The following LRP1B variants were observed in gnomAD, a reference collection of about 807,000 sequenced individuals.
The protein encoded by LRP1B is low-density lipoprotein receptor-related protein 1B.
A neutral mutation model predicts 556.6 loss-of-function variants in LRP1B; 217 were observed. That is an observed-to-expected ratio of 0.39 (90% CI 0.35 to 0.44). The LOEUF is 0.44. Among genes scored for constraint, LRP1B ranks in the 20% least tolerant of loss-of-function variants. The probability of loss-of-function intolerance (pLI) is 1.00; values close to 1 mark genes in which losing one functional copy is unlikely to be tolerated. For synonymous variants in LRP1B, 2,047 were observed against 1,865.8 expected (o/e 1.10, Z -2.50); for missense variants, 5,053 against 5,620.8 (o/e 0.90, Z 3.23).
chr2:140,869,759 A>C (rs13001345), intron 25 of LRP1B, among the ~76,000 whole-genome samples: 29,511 of 151,968 alleles, frequency 0.19, 3,023 homozygotes, highest in Non-Finnish European at 0.21. Context: ...GCAATCTCAG[A>C]TTGAGGGAAG....
At chr2:141,942,110 AGTTCATCTG>A (rs2105016080) in intron 1 of LRP1B, among the ~76,000 whole-genome samples, 2 of 152,286 alleles carry the variant, frequency 1.3e-5, no homozygotes, top group South Asian at 4.1e-4. Flanking sequence ...TCAAACAATC[AGTTCATCTG>A]GGTTAAAATT....
At chr2:140,746,954 C>G (rs1232874651) in intron 35 of LRP1B, among the ~76,000 whole-genome samples, 7 of 151,780 alleles carry the variant, frequency 4.6e-5, no homozygotes, top group Admixed American at 4.6e-4. Flanking sequence ...GAAAACACAT[C>G]CTAATGTATT....
intron 7 of LRP1B, among the ~76,000 whole-genome samples, chr2:141,102,393 T>C (rs910461578): frequency 2.0e-5 from 3 of 152,138 alleles, no homozygotes; most frequent in Non-Finnish European, 4.4e-5. Flanking sequence ...ACCCTCATTG[T>C]ACATCACTTC....
At chr2:141,099,987 C>T (rs532348548) in intron 7 of LRP1B, among the ~76,000 whole-genome samples, 1 of 152,284 alleles carries the variant, frequency 6.6e-6, no homozygotes, top group Admixed American at 6.5e-5. Flanking sequence ...TTAACTCCCA[C>T]TTAAATGACA....
chr2:142,070,665 C>G (rs1218521548), intron 1 of LRP1B, among the ~76,000 whole-genome samples: 1 of 151,006 alleles, frequency 6.6e-6, no homozygotes, highest in African/African-American at 2.4e-5. Context: ...AACATTTAAT[C>G]CCTTTATCAA....
intron 3 of LRP1B, among the ~76,000 whole-genome samples, chr2:141,424,130 TGAGATGGGGTGTCACTC>T (rs1680260637): frequency 6.6e-6 from 1 of 150,608 alleles, no homozygotes; most frequent in Non-Finnish European, 1.5e-5. Flanking sequence ...TTTTTTTTTT[TGAGATGGGGTGTCACTC>T]TTGTTGCCTG....
intron 1 of LRP1B, among the ~76,000 whole-genome samples, chr2:141,945,296 G>A (rs1700920944): frequency 6.6e-6 from 1 of 152,020 alleles, no homozygotes; most frequent in Non-Finnish European, 1.5e-5. Flanking sequence ...ATGGACTGTA[G>A]TAGCAGTTTG....
chr2:141,894,592 G>A (rs918360909), intron 1 of LRP1B, among the ~76,000 whole-genome samples: 3 of 151,930 alleles, frequency 2.0e-5, no homozygotes, highest in African/African-American at 7.3e-5. Flanking sequence ...TGGTAACCAT[G>A]AGGAACACAG....
chr2:140,637,953 T>C (rs1162904042), intron 41 of LRP1B, among the ~76,000 whole-genome samples: 2 of 152,202 alleles, frequency 1.3e-5, no homozygotes, highest in Non-Finnish European at 2.9e-5. Context: ...GCACTGACTT[T>C]ACTCTTCTAC....
intron 3 of LRP1B, among the ~76,000 whole-genome samples, chr2:141,466,300 C>T (rs1203371203): frequency 6.6e-6 from 1 of 152,202 alleles, no homozygotes; most frequent in Non-Finnish European, 1.5e-5. Context: ...AGCTCTCTTT[C>T]TTTCCTTTAG....
intron 45 of LRP1B, among the ~76,000 whole-genome samples, chr2:140,539,613 C>G (rs1680059453): frequency 6.6e-6 from 1 of 152,104 alleles, no homozygotes; most frequent in Admixed American, 6.6e-5. Context: ...GCCATTTTGA[C>G]TAAAGGCATT....
chr2:141,566,739 G>T (rs541658794), intron 2 of LRP1B, among the ~76,000 whole-genome samples: 57 of 152,156 alleles, frequency 3.7e-4, no homozygotes, highest in African/African-American at 1.4e-3. Context: ...TGCACCTGTT[G>T]TTCCAGTTAC....
chr2:141,497,041 C>A (rs1683534325), intron 2 of LRP1B, among the ~76,000 whole-genome samples: 1 of 151,904 alleles, frequency 6.6e-6, no homozygotes, highest in Non-Finnish European at 1.5e-5. Context: ...GCCTCAGTAG[C>A]TATGAGTCAG....
intron 35 of LRP1B, among the ~76,000 whole-genome samples, chr2:140,741,122 G>T (rs967000957): frequency 2.6e-5 from 4 of 152,100 alleles, no homozygotes; most frequent in Admixed American, 2.6e-4. Flanking sequence ...CATTAGCATT[G>T]TGCTCAATGA....
intron 7 of LRP1B, among the ~76,000 whole-genome samples, chr2:141,075,647 T>C (rs1447003901): frequency 6.6e-6 from 1 of 152,188 alleles, no homozygotes; most frequent in Non-Finnish European, 1.5e-5. Flanking sequence ...GGTAACCTGA[T>C]TCTGCACTTA....
chr2:140,432,777 TACAC>T (rs1458519117), intron 66 of LRP1B, among the ~76,000 whole-genome samples: 1 of 152,230 alleles, frequency 6.6e-6, no homozygotes, highest in Non-Finnish European at 1.5e-5. Flanking sequence ...AACATCCTGA[TACAC>T]AGATATAATG....
chr2:140,652,056 T>A (rs1159084033), intron 41 of LRP1B, among the ~76,000 whole-genome samples: 4 of 151,902 alleles, frequency 2.6e-5, no homozygotes, highest in Admixed American at 2.0e-4. Flanking sequence ...TTTAAGAGAT[T>A]TTATAAAAAA....
chr2:140,935,495 AAG>A lies in LRP1B; in HGVS notation c.3137-12350_3137-12349del, dbSNP rs1447798375. On this transcript the variant is annotated intron_variant, in intron 20 of 90. Transcript: ENST00000389484. ...CAATGGGACTTATTGATCTGAGGAA[AAG>A]AGGGAAAAAAATCAAAGAAAACTGA... is the stretch of plus-strand genomic sequence containing the variant. Among the ~76,000 whole-genome samples the A allele has an allele frequency of 4.6e-5, 7 of 152,228 alleles. No homozygotes were observed. The South Asian group carries it at 1.0e-3, about 23-fold the overall frequency.
At chr2:140,872,055 T>TTC (rs1158766618) in intron 25 of LRP1B, among the ~76,000 whole-genome samples, 24 of 147,742 alleles carry the variant, frequency 1.6e-4, no homozygotes, top group African/African-American at 5.9e-4. Flanking sequence ...CTTCATGTTT[T>TTC]TTTTTTTTTC....
Sources: allele counts gnomAD v4.1 joint callset (sites outside exome capture counted in the v4.1 genomes callset), GRCh38; gene constraint gnomAD v4.1.1; transcripts MANE v1.5; gene names NCBI Gene and HGNC (gene_info 2026-07-23, HGNC 2026-07-21).